The following CDC123 variants were observed in gnomAD, a reference collection of about 807,000 sequenced individuals.
CDC123 encodes translation initiation factor eIF2 assembly protein.
A neutral mutation model predicts 54.4 loss-of-function variants in CDC123; 37 were observed. The observed-to-expected ratio is 0.68, with a 90% CI of 0.52 to 0.89. The LOEUF is 0.89. Ranked by LOEUF, CDC123 falls within the 40% of genes least tolerant of loss-of-function variation. The pLI, the probability that CDC123 is intolerant of heterozygous loss-of-function variation, is 0.00. For synonymous variants in CDC123, 144 were observed against 136.8 expected (o/e 1.05, Z -0.37); for missense variants, 361 against 412.1 (o/e 0.88, Z 1.07).
At chr10:12,199,967 G>A (rs369121305) in intron 2 of CDC123, among the ~76,000 whole-genome samples, 7 of 150,780 alleles carry the variant, frequency 4.6e-5, no homozygotes, top group Non-Finnish European at 7.4e-5. Context: ...GACTACAGGC[G>A]CCCACCACCA....
chr10:12,231,452 G>A (rs1218417989), intron 7 of CDC123, among the ~76,000 whole-genome samples: 2 of 151,726 alleles, frequency 1.3e-5, no homozygotes, highest in South Asian at 2.1e-4. Flanking sequence ...GCGAAACCCC[G>A]CATCTCTACT....
intron 6 of CDC123, among the ~76,000 whole-genome samples, chr10:12,229,020 C>T (rs1479740464): frequency 2.0e-5 from 3 of 152,182 alleles, no homozygotes; most frequent in African/African-American, 7.2e-5. Flanking sequence ...AGGTCTGCCC[C>T]CTCCCTTTCA....
chr10:12,249,738 A>G lies in CDC123; in HGVS notation c.984+20A>G. ...AAGCTGGTAAAGTCTATGTGCATTT[A>G]GTATGCTGGCCATCTTTTCAAATAG... On this transcript the variant is annotated intron_variant, in intron 12 of 12. Transcript: ENST00000281141. 6.3e-7 allele frequency: 1 copy of G among 1,581,816 alleles called. No homozygotes were observed. Among genetic ancestry groups the G allele is most frequent in the African/African-American group, 1.4e-5 (1 of 73,412 alleles).
At chr10:12,202,861 A>G (rs749492266) in intron 2 of CDC123, among the ~76,000 whole-genome samples, 1 of 152,166 alleles carries the variant, frequency 6.6e-6, no homozygotes, top group African/African-American at 2.4e-5. Flanking sequence ...CTAAAAATAC[A>G]GAACTTAGCC....
chr10:12,198,803 T>C (rs756159273), intron 2 of CDC123, 27 bp downstream of exon 2: 3 of 1,258,326 alleles, frequency 2.4e-6, no homozygotes, highest in Non-Finnish European at 1.1e-6. Flanking sequence ...AAAAATTTCT[T>C]AAACTTTATC....
intron 4 of CDC123, among the ~76,000 whole-genome samples, chr10:12,215,066 A>G (rs1835646430): frequency 6.6e-6 from 1 of 152,180 alleles, no homozygotes; most frequent in African/African-American, 2.4e-5. Context: ...GTTCCTGTTT[A>G]ACAGCAGTAT....
intron 6 of CDC123, among the ~76,000 whole-genome samples, chr10:12,219,165 T>A (rs1446050575): frequency 6.6e-6 from 1 of 152,228 alleles, no homozygotes; most frequent in Non-Finnish European, 1.5e-5. Context: ...CGGTCGTGCA[T>A]CAACTCTGGC....
intron 10 of CDC123, among the ~76,000 whole-genome samples, chr10:12,240,501 A>T (rs745470900): frequency 3.9e-5 from 6 of 152,234 alleles, no homozygotes; most frequent in Non-Finnish European, 5.9e-5. Context: ...CTGTTCATTT[A>T]ACTCTTACGT....
chr10:12,218,557 G>C (rs1459679990), intron 6 of CDC123, among the ~76,000 whole-genome samples: 2 of 152,070 alleles, frequency 1.3e-5, no homozygotes, highest in Non-Finnish European at 2.9e-5. Context: ...ATATTTCTTA[G>C]TGGGCTGCTT....
intron 7 of CDC123, among the ~76,000 whole-genome samples, chr10:12,233,917 T>C (rs1835940434): frequency 6.6e-6 from 1 of 151,918 alleles, no homozygotes; most frequent in South Asian, 2.1e-4. Context: ...ATAAGACCCA[T>C]TTGTGATTTA....
intron 6 of CDC123, among the ~76,000 whole-genome samples, chr10:12,218,247 C>CTTT (rs34125393): frequency 1.0e-4 from 12 of 119,194 alleles, no homozygotes; most frequent in Non-Finnish European, 1.6e-4. Flanking sequence ...CTTTTTTTTT[C>CTTT]TTTTTTTTTT....
chr10:12,223,951 G>T (rs990976161), intron 6 of CDC123, among the ~76,000 whole-genome samples: 1 of 151,898 alleles, frequency 6.6e-6, no homozygotes, highest in Non-Finnish European at 1.5e-5. Context: ...CTGAGCTTTT[G>T]GTGCACCCAT....
chr10:12,237,443 T>C, intron 9 of CDC123, 177 bp downstream of exon 9: 1 of 457,230 alleles, frequency 2.2e-6, no homozygotes, highest in Non-Finnish European at 3.3e-6. Context: ...TTATTATTAT[T>C]ATTTTTATTT....
intron 4 of CDC123, 85 bp downstream of exon 4, chr10:12,210,407 T>G: frequency 6.8e-7 from 1 of 1,477,766 alleles, no homozygotes; most frequent in African/African-American, 1.4e-5. Context: ...ATACCTCTCT[T>G]AAATTCCTAG....
chr10:12,198,185 G>T (rs1464577181), intron 1 of CDC123, among the ~76,000 whole-genome samples: 1 of 152,134 alleles, frequency 6.6e-6, no homozygotes, highest in East Asian at 1.9e-4. Context: ...TTATATCTCT[G>T]GTGATCAGTT....
intron 7 of CDC123, among the ~76,000 whole-genome samples, chr10:12,234,742 T>G (rs1244729155): frequency 1.3e-5 from 2 of 151,426 alleles, no homozygotes; most frequent in East Asian, 1.9e-4. Context: ...CTACATCTCA[T>G]GTGAAGAATT....
chr10:12,210,144 T>C, intron 3 of CDC123, 120 bp downstream of exon 3: 2 of 1,445,834 alleles, frequency 1.4e-6, no homozygotes, highest in South Asian at 2.4e-5. Flanking sequence ...CGTGAGAATC[T>C]TACTTTGACA....
At chr10:12,250,203 C>A in intron 12 of CDC123, 108 bp from the exon 13 acceptor site, 1 of 642,498 alleles carries the variant, frequency 1.6e-6, no homozygotes, top group Non-Finnish European at 2.6e-6. Flanking sequence ...TTTTCCATGA[C>A]AATTTTTAAT....
intron 7 of CDC123, 117 bp from the exon 8 acceptor site, chr10:12,234,931 C>CTTT: frequency 1.4e-6 from 1 of 729,358 alleles, no homozygotes; most frequent in South Asian, 1.8e-5. Context: ...TCATATGCCT[C>CTTT]TTTTTTTAAA....
Sources: gnomAD v4.1 joint callset for allele counts (sites outside exome capture counted in the v4.1 genomes callset) on GRCh38, gnomAD v4.1.1 for gene constraint, MANE v1.5 for transcripts, NCBI Gene and HGNC (gene_info 2026-07-23, HGNC 2026-07-21) for gene names.